VPS13B: variants seen among roughly 807,000 people sequenced by gnomAD.
The protein encoded by VPS13B is vacuolar protein sorting 13 homolog B, also known as intermembrane lipid transfer protein VPS13B.
Under a neutral mutation model 426.4 loss-of-function variants are expected in VPS13B, and 285 were observed. The observed-to-expected ratio is 0.67, with a 90% CI of 0.61 to 0.74. The LOEUF is 0.74. VPS13B is among the 30% of genes least tolerant of loss of function. The pLI is 0.00. For missense variants in VPS13B, 4,537 were observed against 4,782.6 expected (o/e 0.95, Z 1.51); for synonymous variants, 1,676 against 1,676.4 (o/e 1.00, Z 0.01).
chr8:99,150,487 T>C (rs1488235872), intron 14 of VPS13B, among the ~76,000 whole-genome samples: 3 of 152,218 alleles, frequency 2.0e-5, no homozygotes, highest in Non-Finnish European at 4.4e-5. Flanking sequence ...GCTATAACAA[T>C]ATCACATAGA....
chr8:99,357,626 G>A (rs1244357619), intron 19 of VPS13B, among the ~76,000 whole-genome samples: 1 of 152,032 alleles, frequency 6.6e-6, no homozygotes, highest in African/African-American at 2.4e-5. Context: ...ATATTGTGAT[G>A]TGTTCAGTGG....
At chr8:99,655,592 C>G (rs1229065681) in intron 34 of VPS13B, among the ~76,000 whole-genome samples, 1 of 152,130 alleles carries the variant, frequency 6.6e-6, no homozygotes, top group African/African-American at 2.4e-5. Context: ...AAGTGACAGC[C>G]AGTCTTTGCC....
rs531209176 is a variant in VPS13B, at chr8:99,825,932, T to C, written c.9330+1954T>C. Among the ~76,000 whole-genome samples, 8 of 152,304 alleles carry C rather than the reference T, an allele frequency of 5.3e-5. No homozygotes were observed. The South Asian group carries it at 1.7e-3, about 32-fold the overall frequency. ...CTGTTCTGTTCCATTGTTCTATATA[T>C]CTGTTTTGGTACCAGTGTCATGCTG... On this transcript the variant is annotated intron_variant, in intron 51 of 61. Coordinates refer to ENST00000357162, the MANE Select transcript of VPS13B (RefSeq NM_152564.5).
rs376238415 is a variant in VPS13B at position 99,579,378 on chromosome 8, CACA to C, written c.5220+1752_5220+1754del. 1.4e-4 allele frequency among the ~76,000 whole-genome samples: 22 copies of C among 152,194 alleles called. No homozygotes were observed. The East Asian group carries it at 3.9e-3, about 27-fold the overall frequency. On this transcript the variant is annotated intron_variant, in intron 33 of 61. Transcript: ENST00000357162. ...TAGTTGATTGCCTTTAGTGTGGTTT[CACA>C]ACAACACTACCAGAATTTTTTTTTC... is the stretch of plus-strand genomic sequence containing the variant.
chr8:99,233,375 TC>T (rs1174208394), intron 17 of VPS13B: 2 of 1,069,086 alleles, frequency 1.9e-6, no homozygotes, highest in Non-Finnish European at 2.9e-6. Flanking sequence ...TTCCCGAAGA[TC>T]CGTCCCTGGG....
intron 23 of VPS13B, among the ~76,000 whole-genome samples, chr8:99,464,984 G>A (rs1819036102): frequency 2.0e-5 from 3 of 151,982 alleles, no homozygotes; most frequent in African/African-American, 7.3e-5. Context: ...CATTTTGCTT[G>A]AAAATTTTTT....
intron 35 of VPS13B, among the ~76,000 whole-genome samples, chr8:99,669,972 A>C (rs977550119): frequency 1.3e-5 from 2 of 152,094 alleles, no homozygotes; most frequent in Admixed American, 6.6e-5. Context: ...TTTGTACTTA[A>C]ATGCTATAAA....
intron 2 of VPS13B, among the ~76,000 whole-genome samples, chr8:99,032,980 T>C (rs1186928835): frequency 1.3e-5 from 2 of 152,206 alleles, no homozygotes; most frequent in Non-Finnish European, 2.9e-5. Context: ...CTGCTGCTTG[T>C]GCTGTTATTG....
chr8:99,048,462 CTGTTAT>C (rs1425958244), intron 3 of VPS13B, among the ~76,000 whole-genome samples: 8 of 152,130 alleles, frequency 5.3e-5, no homozygotes, highest in Non-Finnish European at 8.8e-5. Flanking sequence ...AAGTCCCCCA[CTGTTAT>C]TGTGTTGCTG....
chr8:99,345,136 A>T (rs1811468760), intron 19 of VPS13B, among the ~76,000 whole-genome samples: 2 of 152,166 alleles, frequency 1.3e-5, no homozygotes, highest in African/African-American at 4.8e-5. Context: ...CTACAAAGCC[A>T]TCATTGCTAT....
intron 17 of VPS13B, among the ~76,000 whole-genome samples, chr8:99,215,555 G>C (rs1815341869): frequency 6.6e-6 from 1 of 152,126 alleles, no homozygotes; most frequent in African/African-American, 2.4e-5. Flanking sequence ...AAAAGACATA[G>C]GTTGAGTCTG....
At chr8:99,872,635 T>G (rs1458107897) in intron 61 of VPS13B, among the ~76,000 whole-genome samples, 1 of 152,172 alleles carries the variant, frequency 6.6e-6, no homozygotes, top group Non-Finnish European at 1.5e-5. Context: ...AGATCCTAAT[T>G]ATTTACCTAA....
intron 19 of VPS13B, among the ~76,000 whole-genome samples, chr8:99,312,151 A>G (rs13279225): frequency 0.73 from 110,244 of 151,994 alleles, 40,644 homozygotes; most frequent in Middle Eastern, 0.83. Flanking sequence ...TTTAATTGGA[A>G]CATTTAGCCC....
At chr8:99,743,682 A>G (rs1441996786) in intron 39 of VPS13B, among the ~76,000 whole-genome samples, 2 of 152,232 alleles carry the variant, frequency 1.3e-5, no homozygotes, top group Non-Finnish European at 2.9e-5. Flanking sequence ...CGTACCTACA[A>G]CCATCTGATC....
intron 30 of VPS13B, among the ~76,000 whole-genome samples, chr8:99,550,580 T>G (rs962676813): frequency 1.3e-5 from 2 of 151,968 alleles, no homozygotes; most frequent in South Asian, 4.1e-4. Context: ...ATTTTTGGCT[T>G]TGTTGATCTT....
chr8:99,797,923 A>G (rs1263018678), intron 43 of VPS13B, among the ~76,000 whole-genome samples: 1 of 152,200 alleles, frequency 6.6e-6, no homozygotes, highest in Non-Finnish European at 1.5e-5. Flanking sequence ...ATAGTTTCCC[A>G]GAAATCTACA....
At chr8:99,273,334 CTTT>C (rs201417620) in intron 17 of VPS13B, among the ~76,000 whole-genome samples, 2 of 147,098 alleles carry the variant, frequency 1.4e-5, no homozygotes, top group Non-Finnish European at 1.5e-5. Flanking sequence ...AATTTTTGTA[CTTT>C]TTTTTTTTTT....
intron 39 of VPS13B, among the ~76,000 whole-genome samples, chr8:99,741,019 A>G (rs1809692518): frequency 6.6e-6 from 1 of 152,226 alleles, no homozygotes; most frequent in South Asian, 2.1e-4. Flanking sequence ...ATTAAAAGAA[A>G]CAGACTGGCA....
chr8:99,725,767 C>T (rs1035224365), intron 39 of VPS13B, among the ~76,000 whole-genome samples: 23 of 152,112 alleles, frequency 1.5e-4, no homozygotes, highest in Non-Finnish European at 2.6e-4. Context: ...TATCAGGGTG[C>T]GTTGTGTTAT....
Sources: gnomAD v4.1 joint callset for allele counts (sites outside exome capture counted in the v4.1 genomes callset) on GRCh38, gnomAD v4.1.1 for gene constraint, MANE v1.5 for transcripts, NCBI Gene and HGNC (gene_info 2026-07-23, HGNC 2026-07-21) for gene names.